The following SLC22A8 variants were observed in gnomAD, a reference collection of about 807,000 sequenced individuals.
SLC22A8 encodes the protein solute carrier family 22 member 8.
SLC22A8 carries 40 observed loss-of-function variants against 48.4 expected under a neutral mutation model. That is an observed-to-expected ratio of 0.83 (90% CI 0.64 to 1.08). SLC22A8 has a LOEUF of 1.08. Ranked by LOEUF, SLC22A8 falls within the 50% of genes least tolerant of loss-of-function variation. The probability of loss-of-function intolerance (pLI) is 0.00; values close to 1 mark genes in which losing one functional copy is unlikely to be tolerated. For synonymous variants in SLC22A8, 268 were observed against 286.3 expected (o/e 0.94, Z 0.65); for missense variants, 606 against 699.0 (o/e 0.87, Z 1.50).
chr11:63,005,764 G>C (rs571603999), intron 2 of SLC22A8, among the ~76,000 whole-genome samples: 1 of 152,174 alleles, frequency 6.6e-6, no homozygotes, highest in East Asian at 1.9e-4. Context: ...GGCAAGGAAG[G>C]ATTCTTCCCT....
intron 2 of SLC22A8, among the ~76,000 whole-genome samples, chr11:63,008,231 T>G (rs985355295): frequency 6.6e-6 from 1 of 151,922 alleles, no homozygotes; most frequent in Non-Finnish European, 1.5e-5. Context: ...CTGTAGAGAG[T>G]CAGGACGAGC....
At chr11:62,994,231 G>A in intron 8 of SLC22A8, 1 of 523,926 alleles carries the variant, frequency 1.9e-6, no homozygotes, top group Non-Finnish European at 3.4e-6. Flanking sequence ...TTGAGCATGA[G>A]CTCTGTCGTT....
At chr11:63,014,163 G>A (rs1446797643) in intron 2 of SLC22A8, among the ~76,000 whole-genome samples, 1 of 152,130 alleles carries the variant, frequency 6.6e-6, no homozygotes, top group African/African-American at 2.4e-5. Context: ...TTATATCTCA[G>A]TTCCAGGGGC....
intron 4 of SLC22A8, 67 bp from the exon 5 acceptor site, chr11:62,999,156 C>T: frequency 1.6e-5 from 22 of 1,416,178 alleles, no homozygotes; most frequent in Non-Finnish European, 2.2e-5. Flanking sequence ...CGTGAAGGGG[C>T]ACCAGCTTCT....
In SLC22A8 at chr11:62,999,062, C is replaced by G. The variant is rs575071907; in HGVS notation, c.620G>C (p.Arg207Pro). The G allele has an allele frequency of 6.2e-7, 1 of 1,613,808 alleles. No individual in the cohort carries two copies. The highest frequency in any genetic ancestry group is 8.5e-7 in the Non-Finnish European group (1 of 1,179,710). Residue 207 changes from arginine (R) to proline (P), a missense_variant, in exon 5 of 11, where the codon CGG (arginine) becomes CCG (proline). By Grantham distance (103) the Arg-to-Pro change is moderately radical (BLOSUM62 -2). Coordinates refer to ENST00000336232, the MANE Select transcript of SLC22A8 (RefSeq NM_004254.4). ...CCCGAGTGCTGTCGACATGATGGCC[C>G]GCATCCGGGTAGGCACCCATTCCAC... ...LNVEWVPTRMRAIMSTALGYC... is the reference protein window; with the variant it reads ...LNVEWVPTRMPAIMSTALGYC...
intron 2 of SLC22A8, among the ~76,000 whole-genome samples, chr11:63,007,395 G>T (rs1328809652): frequency 1.3e-5 from 2 of 152,010 alleles, no homozygotes; most frequent in Non-Finnish European, 1.5e-5. Context: ...GTGCGATCTC[G>T]GCTCACTGCA....
chr11:63,005,384 G>A (rs1177572140), intron 2 of SLC22A8, among the ~76,000 whole-genome samples: 1 of 152,174 alleles, frequency 6.6e-6, no homozygotes, highest in Admixed American at 6.5e-5. Context: ...GATCTCACAG[G>A]GTAAGTGGCT....
intron 5 of SLC22A8, among the ~76,000 whole-genome samples, chr11:62,997,960 T>G (rs1166828003): frequency 2.0e-5 from 3 of 151,382 alleles, no homozygotes; most frequent in Non-Finnish European, 4.4e-5. Context: ...TCTGACTACC[T>G]TTTTTTTTGA....
intron 7 of SLC22A8, chr11:62,995,074 G>T (rs1783877340): frequency 4.7e-6 from 2 of 421,208 alleles, no homozygotes; most frequent in Admixed American, 7.1e-5. Flanking sequence ...GATCTCTCCT[G>T]GTTGGGCAGC....
At chr11:62,999,605 T>C in intron 4 of SLC22A8, 83 bp downstream of exon 4, 1 of 1,217,862 alleles carries the variant, frequency 8.2e-7, no homozygotes, top group Non-Finnish European at 1.1e-6. Context: ...GAGCCTGTGG[T>C]TGAGCCAGAC....
chr11:62,996,405 T>C (rs189806930), intron 5 of SLC22A8, among the ~76,000 whole-genome samples: 1 of 152,320 alleles, frequency 6.6e-6, no homozygotes, highest in East Asian at 1.9e-4. Flanking sequence ...CCACTTGTTA[T>C]TGTTGGGTGT....
Position 62,994,731 on chromosome 11 carries a change from T to A in SLC22A8, c.1027A>T (p.Ser343Cys). Residue 343 changes from serine to cysteine, a missense_variant, in exon 8 of 11, where the codon AGT becomes TGT. By Grantham distance (112) the Ser-to-Cys change is moderately radical. Coordinates refer to ENST00000336232, the MANE Select transcript of SLC22A8 (RefSeq NM_004254.4). Reference sequence around the variant, plus strand: ...AATTCTTCCACACCCATAGCCAAACTATAGTAGGCAAAACCGGTAGCAAAC... The same window carrying A: ...AATTCTTCCACACCCATAGCCAAACAATAGTAGGCAAAACCGGTAGCAAAC... ...AWFATGFAYY[S>C]LAMGVEEFGV... 1 of 1,614,168 alleles carries A rather than the reference T, an allele frequency of 6.2e-7. No individual in the cohort carries two copies. Among genetic ancestry groups the A allele is most frequent in the Middle Eastern group, 1.6e-4 (1 of 6,062 alleles).
At chr11:62,996,226 C>T (rs2086419023) in intron 5 of SLC22A8, 74 bp from the exon 6 acceptor site, 10 of 1,456,936 alleles carry the variant, frequency 6.9e-6, no homozygotes, top group Non-Finnish European at 8.4e-6. Flanking sequence ...AGAACATCAA[C>T]AGCCAGGGCC....
Position 62,999,056 on chromosome 11 carries a change from A to T in SLC22A8, c.626T>A (p.Ile209Asn), listed in dbSNP as rs1445027050. 4 of 1,613,840 alleles carry T rather than the reference A, an allele frequency of 2.5e-6. No homozygotes were observed. Among genetic ancestry groups the T allele is most frequent in the Non-Finnish European group, 3.4e-6 (4 of 1,179,802 alleles). The change falls in exon 5 of 11, where the codon ATC becomes AAC. Residue 209 changes from isoleucine (I) to asparagine (N), a missense_variant. By Grantham distance (149) the Ile-to-Asn change is moderately radical. Coordinates refer to ENST00000336232, the MANE Select transcript of SLC22A8 (RefSeq NM_004254.4). ...VEWVPTRMRAIMSTALGYCYT... is the reference protein window; with the variant it reads ...VEWVPTRMRANMSTALGYCYT... The stretch of plus-strand genomic sequence containing the variant: ...GCAGTACCCGAGTGCTGTCGACATG[A>T]TGGCCCGCATCCGGGTAGGCACCCA...
chr11:63,001,253 G>A (rs1047755871), intron 2 of SLC22A8, among the ~76,000 whole-genome samples: 3 of 150,966 alleles, frequency 2.0e-5, no homozygotes, highest in African/African-American at 7.3e-5. Flanking sequence ...TGCAGATCCA[G>A]TCTCTCTCTC....
At chr11:63,009,248 G>A (rs1347838034) in intron 2 of SLC22A8, among the ~76,000 whole-genome samples, 4 of 152,088 alleles carry the variant, frequency 2.6e-5, no homozygotes, top group Non-Finnish European at 4.4e-5. Context: ...GGTCAGAGGC[G>A]GCTGACCAGA....
Position 63,014,993 on chromosome 11 carries a change from G to A in SLC22A8, c.-25-10C>T. On this transcript the variant is annotated splice_polypyrimidine_tract_variant and intron_variant, in intron 1 of 10. Coordinates refer to ENST00000336232, the MANE Select transcript of SLC22A8 (RefSeq NM_004254.4). ...GCAAGACGAGCCAGAGCTGTGGGCA[G>A]GGCATAGGCCAGGGAGAGGTATATT... 2 of 1,514,752 alleles carry A rather than the reference G, an allele frequency of 1.3e-6. No individual in the cohort carries two copies. Among genetic ancestry groups the A allele is most frequent in the Non-Finnish European group, 8.9e-7 (1 of 1,124,538 alleles). 93.8% of individuals were successfully genotyped at this position (1,514,752 alleles called of 1,614,324 possible).
At chr11:63,013,874 G>C (rs2086645603) in intron 2 of SLC22A8, among the ~76,000 whole-genome samples, 1 of 152,142 alleles carries the variant, frequency 6.6e-6, no homozygotes, top group Admixed American at 6.5e-5. Context: ...ATAGGCTCCT[G>C]ACTGGCCTGT....
At chr11:63,009,422 A>G (rs942346771) in intron 2 of SLC22A8, among the ~76,000 whole-genome samples, 2 of 152,028 alleles carry the variant, frequency 1.3e-5, no homozygotes, top group Non-Finnish European at 2.9e-5. Flanking sequence ...CAAGGCAGGG[A>G]GGCTCAAGGC....
Sources: allele counts gnomAD v4.1 joint callset (sites outside exome capture counted in the v4.1 genomes callset), GRCh38; gene constraint gnomAD v4.1.1; transcripts MANE v1.5; gene names NCBI Gene and HGNC (gene_info 2026-07-23, HGNC 2026-07-21).